ALCAM: variants seen among roughly 807,000 people sequenced by gnomAD.
ALCAM encodes activated leukocyte cell adhesion molecule, also known as CD166 antigen.
A neutral mutation model predicts 70.9 loss-of-function variants in ALCAM; 30 were observed. The observed-to-expected ratio is 0.42, with a 90% CI of 0.32 to 0.57. The LOEUF (loss-of-function observed/expected upper bound fraction) is 0.57. Among genes scored for constraint, ALCAM ranks in the 20% least tolerant of loss-of-function variants. The probability of loss-of-function intolerance (pLI) is 0.11; values close to 1 mark genes in which losing one functional copy is unlikely to be tolerated. For synonymous variants in ALCAM, 249 were observed against 242.5 expected, an observed-to-expected ratio of 1.03 and a Z score of -0.25; for missense variants, 591 against 695.1, an observed-to-expected ratio of 0.85 and a Z score of 1.68.
chr3:105,442,285 G>T (rs977895914), intron 1 of ALCAM, among the ~76,000 whole-genome samples: 3 of 152,060 alleles, frequency 2.0e-5, no homozygotes, highest in Non-Finnish European at 4.4e-5. Flanking sequence ...CATAATATGG[G>T]CTCAAGTAAA....
At chr3:105,564,285 ATTTCCC>A (rs1940696932) in intron 14 of ALCAM, among the ~76,000 whole-genome samples, 4 of 152,132 alleles carry the variant, frequency 2.6e-5, no homozygotes, top group Admixed American at 6.5e-5. Context: ...ATACACTTCT[ATTTCCC>A]TTTCAGGTAT....
chr3:105,525,112 T>C (rs1331878714), intron 3 of ALCAM: 2 of 979,030 alleles, frequency 2.0e-6, no homozygotes, highest in African/African-American at 3.5e-5. Context: ...GTTATTGATT[T>C]AGATTTCAAA....
intron 1 of ALCAM, among the ~76,000 whole-genome samples, chr3:105,390,993 T>C (rs1301602205): frequency 6.6e-6 from 1 of 152,158 alleles, no homozygotes; most frequent in Non-Finnish European, 1.5e-5. Flanking sequence ...TTTTGCTTAC[T>C]GTAGCCTTGT....
rs1524 is a variant in ALCAM at position 105,492,667 on chromosome 3, G to A, written c.74-27400G>A. Among the ~76,000 whole-genome samples, 1,388 of 152,090 alleles carry A rather than the reference G, an allele frequency of 9.1e-3. 17 individuals are homozygous for A. The highest frequency in any genetic ancestry group is 0.015 in the African/African-American group (635 of 41,488). ...ATTTGAACTAATATGGAAACTCCTCGAAGACAAAAATGTAATAATACATTA... is the reference window on the plus strand; with the variant it reads ...ATTTGAACTAATATGGAAACTCCTCAAAGACAAAAATGTAATAATACATTA... On this transcript the variant is annotated intron_variant, in intron 1 of 15. Transcript: ENST00000306107.
Position 105,520,097 on chromosome 3 carries a change from A to G in ALCAM, c.104A>G (p.Tyr35Cys). 2 of 1,612,246 alleles carry G rather than the reference A, an allele frequency of 1.2e-6. No individual in the cohort carries two copies. Among genetic ancestry groups the G allele is most frequent in the South Asian group, 1.1e-5 (1 of 90,998 alleles). ...GLGWYTVNSA[Y>C]GDTIIIPCRL... ...GGATGGTATACTGTAAATTCAGCATATGGAGATACCATTATCATACCTTGC... is the reference window on the plus strand; with the variant it reads ...GGATGGTATACTGTAAATTCAGCATGTGGAGATACCATTATCATACCTTGC... Residue 35 changes from tyrosine (Y) to cysteine (C), a missense_variant, in exon 2 of 16, where the codon TAT (tyrosine) becomes TGT (cysteine). By Grantham distance (194) the Tyr-to-Cys change is radical. Around this residue, in one of 2 missense-constraint regions of ALCAM, gnomAD observed 427 missense variants for 450.4 expected, o/e 0.95. Transcript: ENST00000306107.
chr3:105,417,627 G>C (rs192799364), intron 1 of ALCAM, among the ~76,000 whole-genome samples: 206 of 151,870 alleles, frequency 1.4e-3, no homozygotes, highest in African/African-American at 4.8e-3. Flanking sequence ...TCAGGAAATT[G>C]TAAGATAATT....
At chr3:105,531,164 T>C (rs771714067) in intron 3 of ALCAM, 12 of 152,122 alleles carry the variant, frequency 7.9e-5, no homozygotes, top group African/African-American at 1.7e-4. Context: ...AAATCCATCA[T>C]TGATAGAAAA....
At chr3:105,500,331 T>C (rs1234744037) in intron 1 of ALCAM, among the ~76,000 whole-genome samples, 4 of 152,120 alleles carry the variant, frequency 2.6e-5, no homozygotes, top group Admixed American at 2.0e-4. Context: ...TCTTCTTTTT[T>C]CCCTTTTCTT....
In ALCAM at chr3:105,490,903, C is replaced by G. The variant is rs567269803; in HGVS notation, c.74-29164C>G. 2.0e-5 allele frequency among the ~76,000 whole-genome samples: 3 copies of G among 152,266 alleles called. No homozygotes were observed. In the East Asian group the frequency reaches 5.8e-4, roughly 29 times the overall value. ...ATTCTGAGGGCTGCAAGATGGTGGCCCTCTTCTCACAGTGCCCCAATGGGA... is the reference window on the plus strand; with the variant it reads ...ATTCTGAGGGCTGCAAGATGGTGGCGCTCTTCTCACAGTGCCCCAATGGGA... On this transcript the variant is annotated intron_variant, in intron 1 of 15. Coordinates refer to ENST00000306107, the MANE Select transcript of ALCAM (RefSeq NM_001627.4).
At chr3:105,458,082 G>GAA (rs5851458) in intron 1 of ALCAM, among the ~76,000 whole-genome samples, 52,850 of 146,730 alleles carry the variant, frequency 0.36, 9,695 homozygotes, top group East Asian at 0.51. Flanking sequence ...CACTTCAGGG[G>GAA]AAAAAAAAAA....
chr3:105,545,305 T>C lies in ALCAM; in HGVS notation c.1074T>C (p.Ala358=), dbSNP rs1339845775. 1.2e-6 allele frequency: 2 copies of C among 1,608,516 alleles called. No homozygotes were observed. Among genetic ancestry groups the C allele is most frequent in the Middle Eastern group, 1.7e-4 (1 of 6,022 alleles). The part of the protein sequence containing the change: ...DALPVSCTIS[A]SRNATVVWMK... ...TACCCGTGTCATGCACAATATCTGC[T>C]AGCAGGAATGCAACTGTGGTATGGA... Residue 358 remains alanine, a synonymous_variant, in exon 9 of 16, where the codon GCT becomes GCC. Transcript: ENST00000306107.
intron 1 of ALCAM, among the ~76,000 whole-genome samples, chr3:105,381,184 T>C (rs1340896311): frequency 6.6e-6 from 1 of 151,942 alleles, no homozygotes; most frequent in Non-Finnish European, 1.5e-5. Flanking sequence ...AGTAGTAAGC[T>C]CTTAAGAGGT....
chr3:105,384,458 T>A (rs1935599973), intron 1 of ALCAM, among the ~76,000 whole-genome samples: 1 of 151,490 alleles, frequency 6.6e-6, no homozygotes, highest in South Asian at 2.1e-4. Context: ...TTTTGATCCT[T>A]CCCAGTCCTT....
chr3:105,420,198 AC>A (rs1236908249), intron 1 of ALCAM, among the ~76,000 whole-genome samples: 1 of 151,606 alleles, frequency 6.6e-6, no homozygotes, highest in Non-Finnish European at 1.5e-5. Context: ...GAAAAGAGCC[AC>A]CCTTTGATGT....
At chr3:105,520,046 C>CT (rs11291806) in intron 1 of ALCAM, 21 bp from the exon 2 acceptor site, 3,725 of 1,346,738 alleles carry the variant, frequency 2.8e-3, no homozygotes, top group South Asian at 3.2e-3. Context: ...TCTCTTCTTC[C>CT]TTTTTTTTTT....
intron 1 of ALCAM, among the ~76,000 whole-genome samples, chr3:105,409,504 T>TATAA (rs1415973841): frequency 6.6e-6 from 1 of 152,034 alleles, no homozygotes; most frequent in Non-Finnish European, 1.5e-5. Flanking sequence ...GGAGCTAAGC[T>TATAA]ATAAGGGTGC....
At chr3:105,493,833 G>A (rs910993958) in intron 1 of ALCAM, among the ~76,000 whole-genome samples, 1 of 152,170 alleles carries the variant, frequency 6.6e-6, no homozygotes, top group South Asian at 2.1e-4. Context: ...AATTTCTGAT[G>A]TACCAGGCTC....
At chr3:105,551,845 A>G (rs1037252938) in intron 12 of ALCAM, among the ~76,000 whole-genome samples, 1 of 151,684 alleles carries the variant, frequency 6.6e-6, no homozygotes, top group African/African-American at 2.4e-5. Context: ...GACTATTAAA[A>G]GGTGGTGGAT....
chr3:105,403,516 C>T (rs1576138353), intron 1 of ALCAM, among the ~76,000 whole-genome samples: 1 of 152,052 alleles, frequency 6.6e-6, no homozygotes, highest in Non-Finnish European at 1.5e-5. Flanking sequence ...CAGGAAGCCC[C>T]ACTCCTAGGA....
Sources: gnomAD v4.1 joint callset for allele counts (sites outside exome capture counted in the v4.1 genomes callset) on GRCh38, gnomAD v4.1.1 for gene constraint, gnomAD v4.1.1 regional missense constraint, MANE v1.5 for transcripts, NCBI Gene and HGNC (gene_info 2026-07-23, HGNC 2026-07-21) for gene names.